Variants in NDUFV3 observed in about 807,000 individuals in gnomAD.
The protein encoded by NDUFV3 is NADH dehydrogenase [ubiquinone] flavoprotein 3, mitochondrial.
NDUFV3 carries 44 observed loss-of-function variants against 37.5 expected under a neutral mutation model. The observed-to-expected ratio is 1.17, with a 90% CI of 0.92 to 1.51. The LOEUF is 1.51. Ranked by LOEUF, NDUFV3 falls within the 40% of genes most tolerant of loss-of-function variation. The pLI, the probability that NDUFV3 is intolerant of heterozygous loss-of-function variation, is 0.00. For synonymous variants in NDUFV3, 235 were observed against 239.3 expected (o/e 0.98, Z 0.17); for missense variants, 580 against 580.4 (o/e 1.00, Z 0.01).
intron 1 of NDUFV3, among the ~76,000 whole-genome samples, chr21:42,895,720 C>G (rs186261400): frequency 2.0e-5 from 3 of 151,060 alleles, no homozygotes; most frequent in Admixed American, 6.6e-5. Context: ...TAATTGGAGA[C>G]TACAAAAAAA....
rs1374454759 is a variant in NDUFV3, at chr21:42,911,482, A to C, written c.*2461A>C. ...TTTTTTTTTTTTTTGAGACAGCCTC[A>C]CTCTTGCCCGGAGGAGTGGTGCGAT... On this transcript the variant is annotated 3_prime_UTR_variant, in exon 4 of 4. Transcript: ENST00000354250. The C allele has an allele frequency of 5.1e-5, 5 of 97,098 alleles. No individual in the cohort carries two copies. The highest frequency in any genetic ancestry group is 1.7e-4 in the African/African-American group (4 of 22,980). 6.0% of individuals were successfully genotyped at this position (97,098 alleles called of 1,614,324 possible).
At chr21:42,897,711 C>T (rs2058699348) in intron 2 of NDUFV3, among the ~76,000 whole-genome samples, 3 of 150,034 alleles carry the variant, frequency 2.0e-5, no homozygotes. Context: ...GAGTCCTGCT[C>T]TGTTGCCCCT....
At chr21:42,902,703 G>C (rs899176111) in intron 2 of NDUFV3, among the ~76,000 whole-genome samples, 1 of 152,158 alleles carries the variant, frequency 6.6e-6, no homozygotes, top group African/African-American at 2.4e-5. Flanking sequence ...GGCCTACACA[G>C]CTAGTCTTAG....
rs752282164 is a variant in NDUFV3 at position 42,896,892 on chromosome 21, C to T, written c.49-35C>T. The stretch of plus-strand genomic sequence containing the variant: ...AGTACCAGCTATTATAATGGCATTA[C>T]TCTAAACATCCATATTCATTAATTC... On this transcript the variant is annotated intron_variant, in intron 1 of 3. Coordinates refer to ENST00000354250, the MANE Select transcript of NDUFV3 (RefSeq NM_021075.4). 31 of 1,597,914 alleles carry T rather than the reference C, an allele frequency of 1.9e-5. No individual in the cohort carries two copies. The African/African-American group carries it at 2.0e-4, about 10-fold the overall frequency.
rs1316573632 is a variant in NDUFV3 at position 42,912,000 on chromosome 21, G to A, written c.*2979G>A. 2 of 152,114 alleles carry A rather than the reference G, an allele frequency of 1.3e-5. No homozygotes were observed. Among genetic ancestry groups the A allele is most frequent in the Non-Finnish European group, 2.9e-5 (2 of 68,032 alleles). The allele number at this position is 152,114 out of a possible 1,614,324, so 9.4% of individuals were successfully genotyped here. A position where few individuals can be genotyped will look rare whatever the true frequency, so the allele number is the denominator to read the frequency against. The stretch of plus-strand genomic sequence containing the variant: ...TCATGCCTGTAATCCCTGCACTTTG[G>A]AAGGCTGAGGCAGATGGATCACCTG... On this transcript the variant is annotated 3_prime_UTR_variant, in exon 4 of 4. Transcript: ENST00000354250.
chr21:42,897,014 C>T lies in NDUFV3; in HGVS notation c.136C>T (p.Pro46Ser), dbSNP rs1297644676. ...ATCAGGGAAGAGTGAAAAGGGTCAG[C>T]CACAGAATTCCAAGAAGCAAAGTCC... ...AESGKSEKGQ[P>S]QNSKKQSPPK... The change falls in exon 2 of 4, where the codon CCA becomes TCA. Residue 46 changes from proline to serine, a missense_variant. Transcript: ENST00000354250. The T allele has an allele frequency of 1.9e-6, 3 of 1,614,032 alleles. No homozygotes were observed. In the South Asian group the frequency reaches 3.3e-5, roughly 18 times the overall value.
At chr21:42,897,564 A>G (rs997828182) in intron 2 of NDUFV3, among the ~76,000 whole-genome samples, 3 of 152,142 alleles carry the variant, frequency 2.0e-5, no homozygotes, top group Non-Finnish European at 2.9e-5. Flanking sequence ...TAGTAGAGAC[A>G]GGGTTTCACA....
rs564565322 is a variant in NDUFV3 at position 42,894,725 on chromosome 21, T to C, written c.48+1344T>C. 5.3e-5 allele frequency among the ~76,000 whole-genome samples: 8 copies of C among 150,038 alleles called. No individual in the cohort carries two copies. The Admixed American group carries it at 5.5e-4, about 10-fold the overall frequency. On this transcript the variant is annotated intron_variant, in intron 1 of 3. Transcript: ENST00000354250. Reference sequence around the variant, plus strand: ...CAGATAGGGAAATTCATTGACAGTCTACCATTACTCCTTCAAGCATCTAGT... The same window carrying C: ...CAGATAGGGAAATTCATTGACAGTCCACCATTACTCCTTCAAGCATCTAGT...
rs762234424 is a variant in NDUFV3, at chr21:42,904,282, C to T, written c.1264+6C>T. 2.5e-6 allele frequency: 4 copies of T among 1,583,014 alleles called. No homozygotes were observed. Among genetic ancestry groups the T allele is most frequent in the East Asian group, 2.3e-5 (1 of 43,384 alleles). The stretch of plus-strand genomic sequence containing the variant: ...CGACCGAGGCGGCACACAGGGTATA[C>T]CTTGACTCGCGCTCCCAAGTGCACC... On this transcript the variant is annotated splice_donor_region_variant and intron_variant, in intron 3 of 3. Coordinates refer to ENST00000354250, the MANE Select transcript of NDUFV3 (RefSeq NM_021075.4).
At chr21:42,893,805 C>G (rs2058669238) in intron 1 of NDUFV3, among the ~76,000 whole-genome samples, 1 of 152,268 alleles carries the variant, frequency 6.6e-6, no homozygotes, top group Non-Finnish European at 1.5e-5. Context: ...AATGAGGGAA[C>G]TTTCAGGGAC....
intron 2 of NDUFV3, among the ~76,000 whole-genome samples, chr21:42,897,336 CA>C (rs1378138569): frequency 3.9e-5 from 6 of 152,220 alleles, no homozygotes; most frequent in Admixed American, 3.9e-4. Flanking sequence ...GGCTCTGTGG[CA>C]TTTAGATGGC....
chr21:42,894,362 A>ATATATTATATATAATATATATTATAT (rs2058674363), intron 1 of NDUFV3, among the ~76,000 whole-genome samples: 1 of 36,650 alleles, frequency 2.7e-5, no homozygotes, highest in African/African-American at 4.9e-4. Context: ...AATATATATT[A>ATATATTATATATAATATATATTATAT]TATATATATT....
rs745711415 is a variant in NDUFV3, at chr21:42,903,440, A to C, written c.428A>C (p.Gln143Pro). 33 of 1,614,120 alleles carry C rather than the reference A, an allele frequency of 2.0e-5. No homozygotes were observed. Among genetic ancestry groups the C allele is most frequent in the Non-Finnish European group, 2.6e-5 (31 of 1,180,056 alleles). ...RKQGSDSEARQVGRKVTSPSS... is the reference protein window; with the variant it reads ...RKQGSDSEARPVGRKVTSPSS... ...CAGGGCTCTGATTCAGAAGCTCGTC[A>C]GGTGGGTCGGAAAGTGACGTCGCCT... Residue 143 changes from glutamine (Q) to proline (P), a missense_variant, in exon 3 of 4, where the codon CAG becomes CCG. Transcript: ENST00000354250.
chr21:42,899,277 G>GTTTTTTTTTTTTTTTTT lies in NDUFV3; in HGVS notation c.169+2239_169+2240insTTTTTTTTTTTTTTTTT, dbSNP rs370812043. On this transcript the variant is annotated intron_variant, in intron 2 of 3. Coordinates refer to ENST00000354250, the MANE Select transcript of NDUFV3 (RefSeq NM_021075.4). ...TCAATACACAGAACAGTTGTATCTT[G>GTTTTTTTTTTTTTTTTT]TTTTTTTTTGAGACAGAGTTTTGCT... 3.2e-3 allele frequency among the ~76,000 whole-genome samples: 458 copies of GTTTTTTTTTTTTTTTTT among 141,048 alleles called. 7 individuals are homozygous for GTTTTTTTTTTTTTTTTT. Among genetic ancestry groups the GTTTTTTTTTTTTTTTTT allele is most frequent in the Non-Finnish European group, 5.0e-3 (323 of 65,160 alleles). The allele number at this position is 141,048 out of a possible 152,430, so 92.5% of individuals were successfully genotyped here.
chr21:42,896,893 T>G (rs9974287), intron 1 of NDUFV3, 34 bp from the exon 2 acceptor site: 214,299 of 1,597,828 alleles, frequency 0.13, 18,143 homozygotes, highest in African/African-American at 0.4. Context: ...ATGGCATTAC[T>G]CTAAACATCC....
intron 2 of NDUFV3, among the ~76,000 whole-genome samples, chr21:42,901,994 A>G (rs7277259): frequency 0.22 from 34,107 of 152,222 alleles, 4,908 homozygotes; most frequent in African/African-American, 0.42. Context: ...AGATCACCTG[A>G]GGTCGGGAGT....
chr21:42,896,473 G>A (rs535107205), intron 1 of NDUFV3, among the ~76,000 whole-genome samples: 1 of 151,762 alleles, frequency 6.6e-6, no homozygotes, highest in African/African-American at 2.4e-5. Flanking sequence ...TTTTAGTAGA[G>A]ACGGGGTTGT....
rs149534912 is a variant in NDUFV3, at chr21:42,904,218, C to T, written c.1206C>T (p.Ala402=). The part of the protein sequence containing the change: ...HEKTAALKLE[A]EGEAMEDAAA... ...AGACAGCAGCGCTGAAGCTTGAGGC[C>T]GAGGGCGAGGCCATGGAAGATGCAG... Residue 402 remains alanine, a synonymous_variant, in exon 3 of 4, where the codon GCC becomes GCT. Transcript: ENST00000354250. The T allele has an allele frequency of 4.8e-5, 78 of 1,613,280 alleles. No homozygotes were observed. In the Admixed American group the frequency reaches 5.3e-4, roughly 11 times the overall value.
At chr21:42,902,101 G>A (rs777147461) in intron 2 of NDUFV3, among the ~76,000 whole-genome samples, 1 of 152,086 alleles carries the variant, frequency 6.6e-6, no homozygotes, top group South Asian at 2.1e-4. Flanking sequence ...CCAGCTATTC[G>A]GGAGGCTGAG....
Sources: allele counts gnomAD v4.1 joint callset (sites outside exome capture counted in the v4.1 genomes callset), GRCh38; gene constraint gnomAD v4.1.1; transcripts MANE v1.5; gene names NCBI Gene and HGNC (gene_info 2026-07-23, HGNC 2026-07-21).